The following DAB1 variants were observed in gnomAD, a reference collection of about 807,000 sequenced individuals.
The protein encoded by DAB1 is DAB adaptor protein 1, also known as disabled homolog 1.
In DAB1, 15 loss-of-function variants were observed where a neutral mutation model predicts 64.6. That is an observed-to-expected ratio of 0.23 (90% CI 0.16 to 0.36). DAB1 has a LOEUF of 0.36. DAB1 is among the 10% of genes least tolerant of loss of function. DAB1 has a pLI of 1.00. For synonymous variants in DAB1, 235 were observed against 251.9 expected (o/e 0.93, Z 0.64); for missense variants, 596 against 706.7 (o/e 0.84, Z 1.78).
intron 7 of DAB1, among the ~76,000 whole-genome samples, chr1:57,584,907 T>G (rs1407952223): frequency 4.7e-5 from 7 of 149,070 alleles, no homozygotes; most frequent in Non-Finnish European, 9.0e-5. Flanking sequence ...CCTCATCTAC[T>G]TCTTCCTCAC....
At chr1:57,826,809 G>A (rs75804069) in intron 1 of DAB1, among the ~76,000 whole-genome samples, 252 of 152,318 alleles carry the variant, frequency 1.7e-3, no homozygotes, top group African/African-American at 5.8e-3. Flanking sequence ...GCCACTCTGA[G>A]GACTGGAGGC....
At chr1:57,033,736 A>G (rs919028916) in intron 9 of DAB1, among the ~76,000 whole-genome samples, 1 of 152,232 alleles carries the variant, frequency 6.6e-6, no homozygotes. Context: ...TGTTTCTAGC[A>G]TAAGCAGATG....
chr1:57,944,297 C>T (rs1645151419), intron 5 of DAB1, among the ~76,000 whole-genome samples: 1 of 152,120 alleles, frequency 6.6e-6, no homozygotes, highest in East Asian at 1.9e-4. Context: ...CATTCCCCAT[C>T]CTTTCTGTTT....
At chr1:58,465,413 C>T (rs1645286359) in intron 3 of DAB1, among the ~76,000 whole-genome samples, 1 of 152,196 alleles carries the variant, frequency 6.6e-6, no homozygotes, top group African/African-American at 2.4e-5. Context: ...TCCTCACCCC[C>T]GCAGGAATTC....
At chr1:58,471,250 G>T (rs559397482) in intron 3 of DAB1, among the ~76,000 whole-genome samples, 3 of 152,114 alleles carry the variant, frequency 2.0e-5, no homozygotes, top group African/African-American at 7.2e-5. Context: ...CACAACACTT[G>T]GAAGGCAGGG....
chr1:58,091,828 C>T (rs548863922), intron 5 of DAB1, among the ~76,000 whole-genome samples: 2 of 152,098 alleles, frequency 1.3e-5, no homozygotes, highest in South Asian at 4.2e-4. Flanking sequence ...AATTACTCCT[C>T]TTACAGTCAT....
chr1:57,951,656 A>G (rs1645282286), intron 5 of DAB1, among the ~76,000 whole-genome samples: 1 of 152,100 alleles, frequency 6.6e-6, no homozygotes, highest in South Asian at 2.1e-4. Flanking sequence ...TAGAGCAATT[A>G]CAATGATAGA....
intron 4 of DAB1, among the ~76,000 whole-genome samples, chr1:58,246,834 C>G (rs141737993): frequency 1.3e-3 from 198 of 151,568 alleles, no homozygotes; most frequent in South Asian, 2.5e-3. Flanking sequence ...GTGTGTGACT[C>G]TGTGTGTGAA....
At chr1:58,197,022 T>C (rs1053559721) in intron 4 of DAB1, among the ~76,000 whole-genome samples, 26 of 152,218 alleles carry the variant, frequency 1.7e-4, no homozygotes, top group Non-Finnish European at 1.0e-4. Flanking sequence ...TAGGTTCATA[T>C]TCTGAAAACC....
At chr1:58,536,623 CA>C in intron 1 of DAB1, 1 of 872,802 alleles carries the variant, frequency 1.1e-6, no homozygotes. Flanking sequence ...TAAAACACCA[CA>C]AAGAGCAATC....
chr1:57,118,562 G>A (rs928856247), intron 4 of DAB1, among the ~76,000 whole-genome samples: 1 of 152,182 alleles, frequency 6.6e-6, no homozygotes, highest in Admixed American at 6.5e-5. Context: ...AGTTAACATG[G>A]AGAGAATGTA....
intron 5 of DAB1, among the ~76,000 whole-genome samples, chr1:58,147,187 A>G (rs1417604138): frequency 1.3e-5 from 2 of 151,750 alleles, no homozygotes; most frequent in Non-Finnish European, 2.9e-5. Context: ...GGTGCCTGTA[A>G]TCTCAGCTAC....
At chr1:57,233,713 C>T (rs1363093562) in intron 2 of DAB1, among the ~76,000 whole-genome samples, 13 of 151,564 alleles carry the variant, frequency 8.6e-5, no homozygotes, top group Non-Finnish European at 1.6e-4. Context: ...GAGCCGAGAT[C>T]GTGCCACTGC....
intron 6 of DAB1, among the ~76,000 whole-genome samples, chr1:57,816,808 A>T (rs1651875252): frequency 6.6e-6 from 1 of 152,184 alleles, no homozygotes; most frequent in Non-Finnish European, 1.5e-5. Flanking sequence ...TGCAATGTTG[A>T]CACAAATATG....
intron 4 of DAB1, among the ~76,000 whole-genome samples, chr1:58,238,063 C>G (rs1660127914): frequency 6.6e-6 from 1 of 152,096 alleles, no homozygotes; most frequent in Admixed American, 6.6e-5. Context: ...TTGGCAGTAC[C>G]CCGTAATTCA....
intron 7 of DAB1, among the ~76,000 whole-genome samples, chr1:57,484,401 G>C (rs1644064080): frequency 6.6e-6 from 1 of 152,186 alleles, no homozygotes; most frequent in African/African-American, 2.4e-5. Context: ...AGTGGGAGAG[G>C]AATCAAGGAG....
intron 6 of DAB1, among the ~76,000 whole-genome samples, chr1:57,669,403 C>T (rs1646484634): frequency 6.6e-6 from 1 of 152,132 alleles, no homozygotes; most frequent in Non-Finnish European, 1.5e-5. Context: ...TACATGATAA[C>T]TTGCCATTTG....
chr1:57,571,584 T>C (rs1211083796), intron 7 of DAB1, among the ~76,000 whole-genome samples: 2 of 152,230 alleles, frequency 1.3e-5, no homozygotes, highest in Admixed American at 1.3e-4. Flanking sequence ...AATTACAGTG[T>C]TTGAGCCTAG....
intron 7 of DAB1, among the ~76,000 whole-genome samples, chr1:57,624,429 C>G (rs1007128446): frequency 6.6e-6 from 1 of 152,144 alleles, no homozygotes; most frequent in Non-Finnish European, 1.5e-5. Flanking sequence ...TGTGGTTGGG[C>G]ATACTCAATG....
Sources: allele counts gnomAD v4.1 joint callset (sites outside exome capture counted in the v4.1 genomes callset), GRCh38; gene constraint gnomAD v4.1.1; transcripts MANE v1.5; gene names NCBI Gene and HGNC (gene_info 2026-07-23, HGNC 2026-07-21).